PRORP: variants seen among roughly 807,000 people sequenced by gnomAD.
PRORP encodes the protein mitochondrial ribonuclease P catalytic subunit.
Under a neutral mutation model 59.4 loss-of-function variants are expected in PRORP, and 51 were observed. That is an observed-to-expected ratio of 0.86 (90% CI 0.69 to 1.08). The LOEUF is 1.08. Among genes scored for constraint, PRORP ranks in the 50% least tolerant of loss-of-function variants. The pLI, the probability that PRORP is intolerant of heterozygous loss-of-function variation, is 0.00. For synonymous variants in PRORP, 231 were observed against 245.6 expected, an observed-to-expected ratio of 0.94 and a Z score of 0.55; for missense variants, 646 against 690.3, an observed-to-expected ratio of 0.94 and a Z score of 0.72.
At chr14:35,256,732 A>G (rs1234819203) in intron 5 of PRORP, among the ~76,000 whole-genome samples, 1 of 152,162 alleles carries the variant, frequency 6.6e-6, no homozygotes. Flanking sequence ...ATCCGAGAGA[A>G]GGAAGTGAAT....
chr14:35,165,152 A>G (rs113856993), intron 4 of PRORP, among the ~76,000 whole-genome samples: 156 of 152,262 alleles, frequency 1.0e-3, no homozygotes, highest in Admixed American at 1.7e-3. Flanking sequence ...AGTTGTTTTG[A>G]TGTCTTCTGG....
chr14:35,240,294 C>CTTTTTTTTTTTTTTTTT (rs3058452), intron 5 of PRORP, among the ~76,000 whole-genome samples: 1 of 109,430 alleles, frequency 9.1e-6, no homozygotes, highest in Non-Finnish European at 1.8e-5. Context: ...TTTAAACCAT[C>CTTTTTTTTTTTTTTTTT]TTTTTTTTTT....
intron 5 of PRORP, among the ~76,000 whole-genome samples, chr14:35,211,247 A>G (rs2049438378): frequency 2.0e-5 from 3 of 152,052 alleles, no homozygotes; most frequent in Non-Finnish European, 2.9e-5. Flanking sequence ...TTCGTATATT[A>G]TCTGTTTTAT....
intron 5 of PRORP, chr14:35,262,999 T>C: frequency 6.3e-7 from 1 of 1,597,258 alleles, no homozygotes; most frequent in South Asian, 1.1e-5. Flanking sequence ...GGTATCTATG[T>C]CTCTGAAAAA....
intron 5 of PRORP, among the ~76,000 whole-genome samples, chr14:35,215,375 A>C (rs1332139451): frequency 6.6e-6 from 1 of 152,096 alleles, no homozygotes; most frequent in African/African-American, 2.4e-5. Context: ...ATAGTGTCTA[A>C]TTCCTTCCTT....
chr14:35,266,510 G>T (rs1443287987), intron 5 of PRORP, among the ~76,000 whole-genome samples: 1 of 151,704 alleles, frequency 6.6e-6, no homozygotes, highest in African/African-American at 2.4e-5. Flanking sequence ...ACCCCCCCCT[G>T]CAATGTAGCC....
chr14:35,189,302 G>A (rs895105466), intron 5 of PRORP, among the ~76,000 whole-genome samples: 3 of 152,020 alleles, frequency 2.0e-5, no homozygotes, highest in Admixed American at 1.3e-4. Flanking sequence ...CAAACCCCTG[G>A]GCTCAAGTGA....
chr14:35,192,223 C>G (rs2048901238), intron 5 of PRORP, among the ~76,000 whole-genome samples: 1 of 152,150 alleles, frequency 6.6e-6, no homozygotes, highest in Non-Finnish European at 1.5e-5. Flanking sequence ...GAATTTGTGC[C>G]TGCCTCCAAA....
chr14:35,181,649 G>A (rs1216072832), intron 5 of PRORP, among the ~76,000 whole-genome samples: 2 of 151,860 alleles, frequency 1.3e-5, no homozygotes, highest in East Asian at 3.9e-4. Flanking sequence ...GTTGGGCATG[G>A]TGGCATGTAC....
chr14:35,273,234 A>C (rs1455022156), intron 7 of PRORP, among the ~76,000 whole-genome samples: 3 of 152,232 alleles, frequency 2.0e-5, no homozygotes, highest in African/African-American at 7.2e-5. Flanking sequence ...AGACTTAAAA[A>C]TGAGACCCCT....
intron 4 of PRORP, among the ~76,000 whole-genome samples, chr14:35,173,480 C>T (rs2048369757): frequency 6.6e-6 from 1 of 152,076 alleles, no homozygotes; most frequent in South Asian, 2.1e-4. Flanking sequence ...CAAGCATGTG[C>T]AGATCATGTT....
intron 5 of PRORP, among the ~76,000 whole-genome samples, chr14:35,202,989 T>C (rs1314407978): frequency 6.6e-6 from 1 of 152,190 alleles, no homozygotes; most frequent in Non-Finnish European, 1.5e-5. Flanking sequence ...AAAGGAGAAG[T>C]TTAAATAAAA....
At chr14:35,183,709 A>G (rs1399080652) in intron 5 of PRORP, among the ~76,000 whole-genome samples, 1 of 152,184 alleles carries the variant, frequency 6.6e-6, no homozygotes, top group Non-Finnish European at 1.5e-5. Context: ...AAAGTGTATA[A>G]TGGTGCCTAA....
rs929718198 is a variant in PRORP at position 35,139,768 on chromosome 14, A to G, written c.1167+12157A>G. On this transcript the variant is annotated intron_variant, in intron 4 of 7. Coordinates refer to ENST00000534898, the MANE Select transcript of PRORP (RefSeq NM_014672.4). ...AATTACCACAAACTGGGTAGCTTCA[A>G]ATGACAGATATTTACTCTCTCACAA... Among the ~76,000 whole-genome samples the G allele has an allele frequency of 1.4e-5, 2 of 145,870 alleles. 1 individual carries two copies. The highest frequency in any genetic ancestry group is 4.5e-4 in the South Asian group (2 of 4,482).
At chr14:35,189,796 G>A (rs995369958) in intron 5 of PRORP, among the ~76,000 whole-genome samples, 1 of 152,132 alleles carries the variant, frequency 6.6e-6, no homozygotes, top group Non-Finnish European at 1.5e-5. Flanking sequence ...CAAAATACAT[G>A]AGATAAAATT....
chr14:35,258,108 G>C (rs1055240732), intron 5 of PRORP, among the ~76,000 whole-genome samples: 2 of 151,616 alleles, frequency 1.3e-5, no homozygotes, highest in African/African-American at 4.8e-5. Flanking sequence ...CCAAATTAGG[G>C]CAGAAGCCAA....
intron 2 of PRORP, among the ~76,000 whole-genome samples, chr14:35,124,775 C>T (rs1278295536): frequency 6.7e-6 from 1 of 149,438 alleles, no homozygotes; most frequent in Non-Finnish European, 1.5e-5. Context: ...TAGCATTTGA[C>T]TAGAACTGTC....
intron 5 of PRORP, among the ~76,000 whole-genome samples, chr14:35,237,057 C>T (rs1436910964): frequency 6.9e-6 from 1 of 145,684 alleles, no homozygotes; most frequent in African/African-American, 2.5e-5. Flanking sequence ...CCTTTCCTTC[C>T]CTTCCTTCCT....
At chr14:35,260,770 C>T (rs1424320192) in intron 5 of PRORP, among the ~76,000 whole-genome samples, 1 of 152,218 alleles carries the variant, frequency 6.6e-6, no homozygotes, top group Non-Finnish European at 1.5e-5. Flanking sequence ...CTAGCCCACC[C>T]CCTTTTTGAA....
Sources: allele counts gnomAD v4.1 joint callset (sites outside exome capture counted in the v4.1 genomes callset), GRCh38; gene constraint gnomAD v4.1.1; transcripts MANE v1.5; gene names NCBI Gene and HGNC (gene_info 2026-07-23, HGNC 2026-07-21).